Variants in TSC22D2 observed in about 807,000 individuals in gnomAD.
TSC22D2 encodes TSC22 domain family protein 2.
TSC22D2 carries 5 observed loss-of-function variants against 50.1 expected under a neutral mutation model. The ratio of observed to expected loss-of-function variants is 0.10; its 90% CI spans 0.05 to 0.21. The LOEUF is 0.21. TSC22D2 is among the 10% of genes least tolerant of loss of function. The pLI is 1.00. For missense variants in TSC22D2, 1,003 were observed against 1,015.5 expected (o/e 0.99, Z 0.17); for synonymous variants, 501 against 450.1 (o/e 1.11, Z -1.43).
At position 150,457,039 on chromosome 3, in the gene TSC22D2, A is replaced by AT. The variant is rs761784057; in HGVS notation, c.1959-31dup. The AT allele has an allele frequency of 6.9e-6, 11 of 1,598,354 alleles. No homozygotes were observed. In the South Asian group the frequency reaches 1.1e-4, roughly 16 times the overall value. On this transcript the variant is annotated intron_variant, in intron 1 of 2. Transcript: ENST00000688009. ...TTTTAAGAGTTGGAAGGGAGGTTAA[A>AT]TTTTTTAGAATAATAACATATTCTA...
intron 1 of TSC22D2, 33 bp downstream of exon 1, chr3:150,411,341 A>G (rs1461693414): frequency 6.4e-7 from 1 of 1,558,780 alleles, no homozygotes; most frequent in Non-Finnish European, 8.7e-7. Flanking sequence ...TATTTGATAG[A>G]AATGCTTGGC....
At chr3:150,443,801 G>T (rs1480844680) in intron 1 of TSC22D2, among the ~76,000 whole-genome samples, 2 of 152,166 alleles carry the variant, frequency 1.3e-5, no homozygotes, top group Non-Finnish European at 2.9e-5. Flanking sequence ...ATACAATCAA[G>T]CTTTTCACCA....
rs1721356146 is a variant in TSC22D2, at chr3:150,460,290, A to ATGTT, written c.*1655_*1658dup. 1 of 152,208 alleles carries ATGTT rather than the reference A, an allele frequency of 6.6e-6. No homozygotes were observed. Among genetic ancestry groups the ATGTT allele is most frequent in the African/African-American group, 2.4e-5 (1 of 41,454 alleles). 9.4% of individuals were successfully genotyped at this position (152,208 alleles called of 1,614,324 possible). A position where few individuals can be genotyped will look rare whatever the true frequency, so the allele number is the denominator to read the frequency against. On this transcript the variant is annotated 3_prime_UTR_variant, in exon 3 of 3. Coordinates refer to ENST00000688009, the MANE Select transcript of TSC22D2 (RefSeq NM_001303264.2). ...AATATTTGTACTCAATATTCATATT[A>ATGTT]TGTTAGTGATACTTAAGTAGGAAAT...
At chr3:150,441,368 G>T (rs1412200201) in intron 1 of TSC22D2, among the ~76,000 whole-genome samples, 1 of 152,110 alleles carries the variant, frequency 6.6e-6, no homozygotes, top group African/African-American at 2.4e-5. Flanking sequence ...TTGATATTTT[G>T]ACATCTGTGA....
At chr3:150,412,752 C>A (rs1310637062) in intron 1 of TSC22D2, among the ~76,000 whole-genome samples, 1 of 152,144 alleles carries the variant, frequency 6.6e-6, no homozygotes, top group East Asian at 1.9e-4. Flanking sequence ...ACAAGCCACT[C>A]AGAAAAATCC....
chr3:150,411,742 C>T (rs571116113), intron 1 of TSC22D2, among the ~76,000 whole-genome samples: 1 of 144,830 alleles, frequency 6.9e-6, no homozygotes, highest in South Asian at 2.1e-4. Flanking sequence ...CCAGAAGGTC[C>T]TCTAGTGAAA....
chr3:150,456,719 A>C (rs1005719928), intron 1 of TSC22D2, among the ~76,000 whole-genome samples: 1 of 152,200 alleles, frequency 6.6e-6, no homozygotes, highest in African/African-American at 2.4e-5. Context: ...ATAGTTGGTT[A>C]ATGTAGAAAT....
Position 150,410,901 on chromosome 3 carries a change from C to T in TSC22D2, c.1551C>T (p.Ser517=), listed in dbSNP as rs200417593. ...TGCCTGCAGCCGTGCCCGCTCCAAG[C>T]GTGCCTAGTGTGTCTACCACTTCTG... ...PNVPAAVPAP[S]VPSVSTTSVT... The change falls in exon 1 of 3, where the codon AGC becomes AGT. Residue 517 remains serine (S), a synonymous_variant. Transcript: ENST00000688009. 284 of 1,614,086 alleles carry T rather than the reference C, an allele frequency of 1.8e-4. No homozygotes were observed. The East Asian group carries it at 2.5e-3, about 14-fold the overall frequency.
intron 1 of TSC22D2, among the ~76,000 whole-genome samples, chr3:150,412,685 AGCTAGC>A (rs1377533935): frequency 1.3e-5 from 2 of 152,340 alleles, no homozygotes; most frequent in East Asian, 3.9e-4. Flanking sequence ...AAGTGAGCTC[AGCTAGC>A]TAGTCATTGA....
rs200846900 is a variant in TSC22D2 at position 150,411,131 on chromosome 3, C to T, written c.1781C>T (p.Thr594Ile). 2.9e-5 allele frequency: 47 copies of T among 1,614,008 alleles called. No individual in the cohort carries two copies. The highest frequency in any genetic ancestry group is 2.8e-5 in the Non-Finnish European group (33 of 1,180,044). Reference protein sequence around the residue: ...TQPLVGQVDDTRRKSEPLPQP... With the variant: ...TQPLVGQVDDIRRKSEPLPQP... Reference sequence around the variant, plus strand: ...CCTTTAGTCGGGCAAGTCGACGATACTAGAAGAAAATCAGAACCCCTACCT... The same window carrying T: ...CCTTTAGTCGGGCAAGTCGACGATATTAGAAGAAAATCAGAACCCCTACCT... The change falls in exon 1 of 3, where the codon ACT becomes ATT. Residue 594 changes from threonine (T) to isoleucine (I), a missense_variant. Physicochemically the swap from Thr to Ile is moderately conservative, Grantham distance 89. Transcript: ENST00000688009.
chr3:150,453,064 T>C (rs1336475216), intron 1 of TSC22D2, among the ~76,000 whole-genome samples: 1 of 152,206 alleles, frequency 6.6e-6, no homozygotes, highest in Non-Finnish European at 1.5e-5. Flanking sequence ...TTATTTCAGT[T>C]TGAGTATGTA....
In TSC22D2 at chr3:150,410,102, A is replaced by G. The variant is rs772189691; in HGVS notation, c.752A>G (p.Gln251Arg). The G allele has an allele frequency of 2.5e-6, 4 of 1,612,588 alleles. No individual in the cohort carries two copies. The highest frequency in any genetic ancestry group is 2.2e-5 in the East Asian group (1 of 44,860). The change falls in exon 1 of 3, where the codon CAG becomes CGG. Residue 251 changes from glutamine to arginine, a missense_variant. Physicochemically the swap from Gln to Arg is conservative, Grantham distance 43 (BLOSUM62 1). Coordinates refer to ENST00000688009, the MANE Select transcript of TSC22D2 (RefSeq NM_001303264.2). ...GACAGCTCCTTGACTGCTGTGTCAC[A>G]GCTACCCCCGTCGGAGAAAATGAGC... ...GTDSSLTAVS[Q>R]LPPSEKMSQP...
At chr3:150,456,834 C>A in intron 1 of TSC22D2, 1 of 459,964 alleles carries the variant, frequency 2.2e-6, no homozygotes, top group African/African-American at 2.0e-5. Flanking sequence ...AAGTAGCATA[C>A]ATGTATTACA....
chr3:150,452,496 A>AT (rs1216120302), intron 1 of TSC22D2, among the ~76,000 whole-genome samples: 1 of 151,856 alleles, frequency 6.6e-6, no homozygotes, highest in East Asian at 1.9e-4. Flanking sequence ...TTCTTTAGTG[A>AT]TTTTAACTTG....
chr3:150,442,883 C>T (rs1391258139), intron 1 of TSC22D2, among the ~76,000 whole-genome samples: 2 of 152,270 alleles, frequency 1.3e-5, no homozygotes, highest in East Asian at 1.9e-4. Flanking sequence ...TTTAAGGCAG[C>T]AGAGAGCTAT....
chr3:150,445,304 A>C (rs1327026640), intron 1 of TSC22D2, among the ~76,000 whole-genome samples: 1 of 138,262 alleles, frequency 7.2e-6, no homozygotes, highest in Non-Finnish European at 1.5e-5. Flanking sequence ...CAAGAGCAAG[A>C]CTCTGTCTCA....
At chr3:150,418,933 A>AATG (rs1196715053) in intron 1 of TSC22D2, among the ~76,000 whole-genome samples, 6 of 152,158 alleles carry the variant, frequency 3.9e-5, no homozygotes, top group Admixed American at 2.0e-4. Context: ...ATTCTTACCT[A>AATG]ATGAAATGTG....
chr3:150,423,008 C>T (rs762939394), intron 1 of TSC22D2: 25 of 1,481,182 alleles, frequency 1.7e-5, no homozygotes, highest in Admixed American at 3.4e-5. Context: ...TTATACTGTA[C>T]GTTCTCAACC....
intron 1 of TSC22D2, among the ~76,000 whole-genome samples, chr3:150,425,988 T>C (rs1447800713): frequency 1.3e-5 from 2 of 152,190 alleles, no homozygotes; most frequent in African/African-American, 4.8e-5. Context: ...CTTTACTCAG[T>C]TATTGTACTA....
Sources: gnomAD v4.1 joint callset for allele counts (sites outside exome capture counted in the v4.1 genomes callset) on GRCh38, gnomAD v4.1.1 for gene constraint, MANE v1.5 for transcripts, NCBI Gene and HGNC (gene_info 2026-07-23, HGNC 2026-07-21) for gene names.